SNX29: variants seen among roughly 807,000 people sequenced by gnomAD.
SNX29 encodes sorting nexin-29.
In SNX29, 78 loss-of-function variants were observed where a neutral mutation model predicts 102.1. That is an observed-to-expected ratio of 0.76 (90% CI 0.64 to 0.92). The LOEUF (loss-of-function observed/expected upper bound fraction) is 0.92, where lower values mean the gene tolerates loss of function less well. SNX29 is among the 40% of genes least tolerant of loss of function. The pLI, the probability that SNX29 is intolerant of heterozygous loss-of-function variation, is 0.00. For missense variants in SNX29, 1,280 were observed against 1,061.7 expected (o/e 1.21, Z -2.86); for synonymous variants, 580 against 414.5 (o/e 1.40, Z -4.85).
At chr16:12,444,016 ACG>A (rs1168500639) in intron 18 of SNX29, among the ~76,000 whole-genome samples, 3 of 151,944 alleles carry the variant, frequency 2.0e-5, no homozygotes, top group Admixed American at 1.3e-4. Context: ...AGCACCTAGC[ACG>A]TAGTAAGCAC....
At chr16:12,462,023 A>G (rs1359432117) in intron 18 of SNX29, among the ~76,000 whole-genome samples, 3 of 127,786 alleles carry the variant, frequency 2.3e-5, no homozygotes, top group African/African-American at 9.4e-5. Flanking sequence ...GTATACACAC[A>G]CACACACACA....
intron 15 of SNX29, among the ~76,000 whole-genome samples, chr16:12,312,090 A>C (rs1263476183): frequency 6.6e-6 from 1 of 152,212 alleles, no homozygotes. Flanking sequence ...TCTGAGCTGC[A>C]AGGGAAGCTG....
chr16:12,149,187 G>T (rs1387527224), intron 13 of SNX29, among the ~76,000 whole-genome samples: 1 of 152,174 alleles, frequency 6.6e-6, no homozygotes, highest in Non-Finnish European at 1.5e-5. Flanking sequence ...GTCTAAAGTG[G>T]CTGCTGGAGC....
intron 14 of SNX29, among the ~76,000 whole-genome samples, chr16:12,238,155 A>C (rs952565004): frequency 2.6e-5 from 4 of 152,172 alleles, no homozygotes; most frequent in African/African-American, 9.7e-5. Flanking sequence ...CATTGTGGTA[A>C]AACATATGAA....
intron 20 of SNX29, among the ~76,000 whole-genome samples, chr16:12,534,706 C>G (rs2077023615): frequency 6.6e-6 from 1 of 152,210 alleles, no homozygotes; most frequent in Non-Finnish European, 1.5e-5. Context: ...CTTGGCGTTG[C>G]CACTCCCCTG....
intron 20 of SNX29, among the ~76,000 whole-genome samples, chr16:12,559,661 C>T (rs543331526): frequency 1.3e-5 from 2 of 152,118 alleles, no homozygotes; most frequent in Non-Finnish European, 2.9e-5. Flanking sequence ...CATTCTGCTT[C>T]TCTACCATGG....
chr16:12,262,037 C>T (rs1160320885), intron 14 of SNX29, among the ~76,000 whole-genome samples: 1 of 136,494 alleles, frequency 7.3e-6, no homozygotes, highest in Non-Finnish European at 1.6e-5. Context: ...TCTGTGTGCA[C>T]GTCCCCGGCT....
At chr16:12,225,385 T>C (rs149313355) in intron 14 of SNX29, among the ~76,000 whole-genome samples, 53 of 152,204 alleles carry the variant, frequency 3.5e-4, no homozygotes, top group African/African-American at 1.2e-3. Flanking sequence ...AATAGAATCA[T>C]GGGAGCGGGT....
chr16:12,554,640 GTTTCACCAGT>G (rs1305800815), intron 20 of SNX29, among the ~76,000 whole-genome samples: 1 of 152,112 alleles, frequency 6.6e-6, no homozygotes, highest in Non-Finnish European at 1.5e-5. Flanking sequence ...GTTTCCCCAG[GTTTCACCAGT>G]TTGTGCATTT....
intron 13 of SNX29, among the ~76,000 whole-genome samples, chr16:12,134,994 T>C (rs1235182483): frequency 6.6e-6 from 1 of 152,106 alleles, no homozygotes; most frequent in East Asian, 1.9e-4. Flanking sequence ...CCAGAGAACC[T>C]GTGGTGTAGG....
intron 18 of SNX29, among the ~76,000 whole-genome samples, chr16:12,463,126 C>T (rs1289740524): frequency 6.6e-6 from 1 of 152,216 alleles, no homozygotes; most frequent in African/African-American, 2.4e-5. Flanking sequence ...CGCCAGGCTC[C>T]TGGGCACTGC....
At chr16:12,387,718 C>T (rs1449416479) in intron 16 of SNX29, among the ~76,000 whole-genome samples, 2 of 152,150 alleles carry the variant, frequency 1.3e-5, no homozygotes, top group Admixed American at 6.5e-5. Flanking sequence ...CCCGAGTCTA[C>T]TTGACCTTAA....
intron 13 of SNX29, among the ~76,000 whole-genome samples, chr16:12,147,829 G>A (rs1039825195): frequency 1.3e-5 from 2 of 152,206 alleles, no homozygotes; most frequent in Admixed American, 1.3e-4. Context: ...TAGCCAGGAT[G>A]TGAATGCCCT....
intron 20 of SNX29, 127 bp downstream of exon 20, chr16:12,524,968 C>G (rs535180903): frequency 6.7e-6 from 9 of 1,338,196 alleles, no homozygotes; most frequent in East Asian, 2.4e-5. Context: ...CAGGCGAACT[C>G]CAGGGGCTGT....
chr16:12,030,554 C>T (rs539768481), intron 4 of SNX29, among the ~76,000 whole-genome samples: 6 of 152,166 alleles, frequency 3.9e-5, no homozygotes, highest in Non-Finnish European at 8.8e-5. Flanking sequence ...GAGCCACTCG[C>T]GGTTCCTCCA....
intron 19 of SNX29, among the ~76,000 whole-genome samples, chr16:12,488,968 A>C (rs1202194130): frequency 6.6e-6 from 1 of 152,102 alleles, no homozygotes; most frequent in East Asian, 1.9e-4. Context: ...TGGGCATTAA[A>C]CGTTGGCCAA....
At chr16:12,532,993 C>T (rs562835854) in intron 20 of SNX29, among the ~76,000 whole-genome samples, 1 of 152,224 alleles carries the variant, frequency 6.6e-6, no homozygotes, top group African/African-American at 2.4e-5. Context: ...GGTGGCATCC[C>T]TGAGCCCCTC....
intron 20 of SNX29, among the ~76,000 whole-genome samples, chr16:12,548,314 C>A (rs1051785659): frequency 8.5e-5 from 13 of 152,190 alleles, no homozygotes; most frequent in African/African-American, 2.2e-4. Context: ...GAGCCCTACT[C>A]TCCTGGCTTG....
At position 12,454,134 on chromosome 16, in the gene SNX29, C is replaced by T. The variant is rs371588075; in HGVS notation, c.2038-23585C>T. ...CTTCCCAGAAAGGCTGCTTATACCT[C>T]ATCTGCGTGGTACATGCCTTGCCTT... On this transcript the variant is annotated intron_variant, in intron 18 of 20. Transcript: ENST00000566228. 7.2e-5 allele frequency among the ~76,000 whole-genome samples: 11 copies of T among 152,268 alleles called. No homozygotes were observed. The East Asian group carries it at 2.1e-3, about 29-fold the overall frequency.
Sources: allele counts gnomAD v4.1 joint callset (sites outside exome capture counted in the v4.1 genomes callset), GRCh38; gene constraint gnomAD v4.1.1; transcripts MANE v1.5; gene names NCBI Gene and HGNC (gene_info 2026-07-23, HGNC 2026-07-21).